The following FAM53A variants were observed in gnomAD, a reference collection of about 807,000 sequenced individuals.
FAM53A encodes the protein protein FAM53A.
FAM53A carries 28 observed loss-of-function variants against 26.6 expected under a neutral mutation model. That is an observed-to-expected ratio of 1.05 (90% CI 0.78 to 1.45). The LOEUF (loss-of-function observed/expected upper bound fraction) is 1.45, where lower values mean the gene tolerates loss of function less well. FAM53A is among the 40% of genes most tolerant of loss of function. FAM53A has a pLI of 0.00. For synonymous variants in FAM53A, 290 were observed against 253.1 expected, an observed-to-expected ratio of 1.15 and a Z score of -1.38; for missense variants, 650 against 575.8, an observed-to-expected ratio of 1.13 and a Z score of -1.32.
intron 1 of FAM53A, among the ~76,000 whole-genome samples, chr4:1,680,251 G>A (rs1387326121): frequency 6.1e-5 from 9 of 147,706 alleles, no homozygotes; most frequent in African/African-American, 1.7e-4. Context: ...ACCAGGAGGC[G>A]GAGGTTTCGG....
intron 3 of FAM53A, among the ~76,000 whole-genome samples, chr4:1,655,999 G>T (rs150596689): frequency 6.6e-6 from 1 of 151,986 alleles, no homozygotes; most frequent in Non-Finnish European, 1.5e-5. Flanking sequence ...GAGAACAACC[G>T]CACGGCTCTG....
the FAM53A span, among the ~76,000 whole-genome samples, chr4:1,574,873 C>T: frequency 2.6e-5 from 4 of 152,210 alleles, no homozygotes; most frequent in Non-Finnish European, 5.9e-5. Context: ...ACCGGCTGCC[C>T]GAACCCCTCG....
At chr4:1,667,103 G>A (rs1386623516) in intron 2 of FAM53A, among the ~76,000 whole-genome samples, 1 of 149,738 alleles carries the variant, frequency 6.7e-6, no homozygotes, top group Non-Finnish European at 1.5e-5. Flanking sequence ...ACTCCAGCCT[G>A]GGCGACAGAG....
the FAM53A span, among the ~76,000 whole-genome samples, chr4:1,581,378 A>C: frequency 2.0e-4 from 30 of 152,126 alleles, no homozygotes; most frequent in East Asian, 1.2e-3. Flanking sequence ...CTTTCATCAT[A>C]ATGTCCCCTC....
At chr4:1,637,419 C>A (rs1001373717), downstream of FAM53A, among the ~76,000 whole-genome samples, 2 of 152,038 alleles carry the variant, frequency 1.3e-5, no homozygotes, top group Admixed American at 1.3e-4. Flanking sequence ...GGCCAGCCCT[C>A]GAGGGACAGA....
At chr4:1,620,002 G>A (rs1714958778) in intron 1 of FAM53A, among the ~76,000 whole-genome samples, 1 of 152,020 alleles carries the variant, frequency 6.6e-6, no homozygotes, top group African/African-American at 2.4e-5. Flanking sequence ...AAGGTCAGGA[G>A]TTCGAGACCA....
chr4:1,598,840 C>T, the FAM53A span, among the ~76,000 whole-genome samples: 1 of 152,268 alleles, frequency 6.6e-6, no homozygotes, highest in Non-Finnish European at 1.5e-5. Flanking sequence ...GTTTCACAGC[C>T]TTCACGTGGC....
intron 1 of FAM53A, among the ~76,000 whole-genome samples, chr4:1,633,149 C>T (rs769324778): frequency 9.2e-5 from 14 of 152,158 alleles, no homozygotes; most frequent in Non-Finnish European, 1.6e-4. Context: ...CATAGGTACA[C>T]GTGCTCACAT....
chr4:1,583,265 A>G, the FAM53A span, among the ~76,000 whole-genome samples: 1 of 152,170 alleles, frequency 6.6e-6, no homozygotes, highest in Non-Finnish European at 1.5e-5. Context: ...TGTCCTCTGC[A>G]GGCAGGGTAC....
chr4:1,652,803 TCA>T (rs1228030605), intron 4 of FAM53A, among the ~76,000 whole-genome samples: 3 of 87,784 alleles, frequency 3.4e-5, no homozygotes, highest in Admixed American at 1.2e-4. Flanking sequence ...ACCACACACG[TCA>T]CACACACACC....
the FAM53A span, among the ~76,000 whole-genome samples, chr4:1,587,124 A>G: frequency 6.6e-6 from 1 of 152,282 alleles, no homozygotes; most frequent in South Asian, 2.1e-4. Flanking sequence ...AGTTCCTAGT[A>G]TATTTTCGAT....
intron 1 of FAM53A, among the ~76,000 whole-genome samples, chr4:1,623,244 G>C (rs891556038): frequency 6.6e-6 from 1 of 152,214 alleles, no homozygotes; most frequent in East Asian, 1.9e-4. Flanking sequence ...GGTGGACCCT[G>C]AGATGGGCCC....
chr4:1,627,538 T>C (rs1043717718), intron 1 of FAM53A, among the ~76,000 whole-genome samples: 4 of 152,124 alleles, frequency 2.6e-5, no homozygotes, highest in African/African-American at 7.2e-5. Flanking sequence ...CAGCAGACCC[T>C]GCCAGGCTGA....
the FAM53A span, among the ~76,000 whole-genome samples, chr4:1,612,281 G>C: frequency 6.6e-6 from 1 of 152,172 alleles, no homozygotes; most frequent in Non-Finnish European, 1.5e-5. Flanking sequence ...ATCTTTTGAT[G>C]CATCTTGTAT....
At chr4:1,585,026 T>G in the FAM53A span, among the ~76,000 whole-genome samples, 36 of 152,346 alleles carry the variant, frequency 2.4e-4, no homozygotes, top group African/African-American at 8.4e-4. Flanking sequence ...GATGATGTTT[T>G]GAAATATGCA....
the FAM53A span, among the ~76,000 whole-genome samples, chr4:1,589,094 A>G: frequency 0.049 from 7,511 of 152,314 alleles, 268 homozygotes; most frequent in Middle Eastern, 0.095. Context: ...TTTTTCTAAT[A>G]AATAGTGATG....
intron 2 of FAM53A, among the ~76,000 whole-genome samples, chr4:1,658,623 C>G (rs1006379510): frequency 6.6e-6 from 1 of 152,212 alleles, no homozygotes; most frequent in African/African-American, 2.4e-5. Context: ...GCTGGAGGGT[C>G]TATAGGGAGG....
downstream of FAM53A, among the ~76,000 whole-genome samples, chr4:1,614,350 A>C (rs142350898): frequency 0.015 from 2,079 of 136,834 alleles, 193 homozygotes; most frequent in African/African-American, 0.064. Flanking sequence ...GATACAGAGA[A>C]GTGAGGGGGA....
Position 1,640,311 on chromosome 4 carries a change from C to T in FAM53A, c.*982G>A, listed in dbSNP as rs116604850. On this transcript the variant is annotated 3_prime_UTR_variant, in exon 5 of 5. Transcript: ENST00000308132. ...AGGTTCATGGGCACAGATGCCCATG[C>T]GCAAGCCCCAAGCACCGTGACCCGT... is the stretch of plus-strand genomic sequence containing the variant. 5.9e-3 allele frequency: 1,212 copies of T among 204,862 alleles called. 15 individuals are homozygous for T. Among genetic ancestry groups the T allele is most frequent in the African/African-American group, 0.027 (1,134 of 41,746 alleles). 12.7% of individuals were successfully genotyped at this position (204,862 alleles called of 1,614,324 possible). A position where few individuals can be genotyped will look rare whatever the true frequency, so the allele number is the denominator to read the frequency against.
Sources: allele counts gnomAD v4.1 joint callset (sites outside exome capture counted in the v4.1 genomes callset), GRCh38; gene constraint gnomAD v4.1.1; transcripts MANE v1.5; gene names NCBI Gene and HGNC (gene_info 2026-07-23, HGNC 2026-07-21).